The following PARD3B variants were observed in gnomAD, a reference collection of about 807,000 sequenced individuals.
PARD3B encodes the protein partitioning defective 3 homolog B.
A neutral mutation model predicts 130.2 loss-of-function variants in PARD3B; 103 were observed. The observed-to-expected ratio is 0.79, with a 90% CI of 0.67 to 0.93. PARD3B has a LOEUF of 0.93. PARD3B is among the 40% of genes least tolerant of loss of function. The pLI is 0.00. For missense variants in PARD3B, 1,609 were observed against 1,499.2 expected (o/e 1.07, Z -1.21); for synonymous variants, 583 against 553.2 (o/e 1.05, Z -0.76).
At chr2:204,556,380 G>T (rs1259537703) in intron 1 of PARD3B, among the ~76,000 whole-genome samples, 1 of 152,152 alleles carries the variant, frequency 6.6e-6, no homozygotes, top group Non-Finnish European at 1.5e-5. Flanking sequence ...AGCCACTCTC[G>T]GGTTTTGATG....
intron 21 of PARD3B, among the ~76,000 whole-genome samples, chr2:205,529,249 CTT>C (rs979683661): frequency 2.0e-5 from 3 of 152,276 alleles, no homozygotes; most frequent in South Asian, 2.1e-4. Context: ...GAAGATCCCA[CTT>C]TATTTGTAGT....
intron 4 of PARD3B, among the ~76,000 whole-genome samples, chr2:205,099,638 C>T (rs1005743013): frequency 2.0e-5 from 3 of 152,108 alleles, no homozygotes; most frequent in Non-Finnish European, 2.9e-5. Flanking sequence ...ACTGCCTTGT[C>T]GATAAGTATC....
chr2:205,012,119 G>T (rs1490679985), intron 3 of PARD3B, among the ~76,000 whole-genome samples: 1 of 152,144 alleles, frequency 6.6e-6, no homozygotes, highest in Non-Finnish European at 1.5e-5. Flanking sequence ...TCAGGTCTCA[G>T]CTGTCTCTCT....
chr2:204,993,772 A>T (rs1480567624), intron 3 of PARD3B, among the ~76,000 whole-genome samples: 3 of 148,612 alleles, frequency 2.0e-5, no homozygotes, highest in Non-Finnish European at 3.0e-5. Context: ...TTATTGGTCT[A>T]TTCAGAGATT....
chr2:204,643,348 C>T (rs909534936), intron 1 of PARD3B, among the ~76,000 whole-genome samples: 2 of 151,946 alleles, frequency 1.3e-5, no homozygotes, highest in African/African-American at 4.8e-5. Context: ...CTCCCCATTG[C>T]CTTCCAGGGA....
chr2:205,118,076 T>C (rs1302604025), intron 6 of PARD3B, among the ~76,000 whole-genome samples: 2 of 152,316 alleles, frequency 1.3e-5, no homozygotes, highest in East Asian at 3.9e-4. Flanking sequence ...CTCTTCTTGG[T>C]TGAAATTTTG....
chr2:205,121,964 A>T lies in PARD3B; in HGVS notation c.1165+15A>T. 6.4e-7 allele frequency: 1 copy of T among 1,571,674 alleles called. No homozygotes were observed. On this transcript the variant is annotated intron_variant, in intron 8 of 22. Transcript: ENST00000406610. This position sits in a 1 kb window ranked among gnomAD's most constrained non-coding sequence, Gnocchi z 5.0. ...CCTAAAGAAAGGTAATTATTAAATT[A>T]TGCCTAATAGCATTCTATTATTGTA... is the stretch of plus-strand genomic sequence containing the variant.
At chr2:204,766,965 C>CTTTTTTTTTTTTTTTTTTTCTTTTTTT in intron 2 of PARD3B, among the ~76,000 whole-genome samples, 1 of 114,484 alleles carries the variant, frequency 8.7e-6, no homozygotes, top group Non-Finnish European at 1.8e-5. Context: ...TTTTCTTTTT[C>CTTTTTTTTTTTTTTTTTTTCTTTTTTT]TTTTTTTTTT....
At chr2:204,745,190 G>C (rs576318643) in intron 2 of PARD3B, among the ~76,000 whole-genome samples, 76 of 152,224 alleles carry the variant, frequency 5.0e-4, no homozygotes, top group Non-Finnish European at 9.9e-4. Flanking sequence ...GGTGATGCCA[G>C]GGTCTGTGCT....
Position 204,785,917 on chromosome 2 carries a change from G to T in PARD3B, c.222+99635G>T, listed in dbSNP as rs201561951. 6.6e-5 allele frequency among the ~76,000 whole-genome samples: 10 copies of T among 152,086 alleles called. No homozygotes were observed. In the East Asian group the frequency reaches 1.7e-3, roughly 27 times the overall value. On this transcript the variant is annotated intron_variant, in intron 2 of 22. Transcript: ENST00000406610. ...TCATGAGGTCAGGAGTTTGAGGCCA[G>T]CCTGGCCAACATGGTGAAACCCCCA...
At chr2:205,578,601 T>C (rs1198945442) in intron 22 of PARD3B, among the ~76,000 whole-genome samples, 1 of 152,160 alleles carries the variant, frequency 6.6e-6, no homozygotes, top group East Asian at 1.9e-4. Flanking sequence ...GAATGAATGA[T>C]AAAAATAGAA....
chr2:204,754,682 A>T (rs1417007902), intron 2 of PARD3B, among the ~76,000 whole-genome samples: 1 of 152,174 alleles, frequency 6.6e-6, no homozygotes, highest in African/African-American at 2.4e-5. Context: ...CTAAGATAAT[A>T]ATGACTTAGG....
intron 21 of PARD3B, among the ~76,000 whole-genome samples, chr2:205,513,375 T>G (rs904669288): frequency 6.6e-6 from 1 of 152,030 alleles, no homozygotes; most frequent in Non-Finnish European, 1.5e-5. Flanking sequence ...ATCTAATCCC[T>G]AAATACATGA....
intron 2 of PARD3B, among the ~76,000 whole-genome samples, chr2:204,761,701 G>A (rs1242594472): frequency 6.6e-6 from 1 of 151,762 alleles, no homozygotes; most frequent in Non-Finnish European, 1.5e-5. Flanking sequence ...AAAAATCTTT[G>A]CTTAGAAAGC....
intron 22 of PARD3B, among the ~76,000 whole-genome samples, chr2:205,613,125 TCTTC>T (rs1233219002): frequency 6.6e-6 from 1 of 152,248 alleles, no homozygotes; most frequent in African/African-American, 2.4e-5. Flanking sequence ...GGCCTGGAAT[TCTTC>T]CTTTCTCTCT....
At chr2:205,308,580 C>G (rs2042264793) in intron 18 of PARD3B, among the ~76,000 whole-genome samples, 1 of 130,616 alleles carries the variant, frequency 7.7e-6, no homozygotes, top group African/African-American at 2.7e-5. Context: ...GCACTCTAGC[C>G]TGGGTGAGAG....
intron 20 of PARD3B, among the ~76,000 whole-genome samples, chr2:205,443,228 A>G (rs1024881007): frequency 6.6e-6 from 1 of 152,210 alleles, no homozygotes. Context: ...AAGAGTTGCT[A>G]TGGCAGTTTC....
rs551396795 is a variant in PARD3B, at chr2:204,980,130, G to A, written c.394+14807G>A. On this transcript the variant is annotated intron_variant, in intron 3 of 22. Transcript: ENST00000406610. ...AAATAACTCCTAAAAGTCATAAGAG[G>A]AAAGCATCCTGCTCAATAGAAAAAT... Among the ~76,000 whole-genome samples, 5 of 152,270 alleles carry A rather than the reference G, an allele frequency of 3.3e-5. No homozygotes were observed. In the South Asian group the frequency reaches 1.0e-3, roughly 32 times the overall value.
In PARD3B at chr2:205,459,948, G is replaced by A. The variant is rs185551127; in HGVS notation, c.3044+19276G>A. 2.5e-3 allele frequency among the ~76,000 whole-genome samples: 385 copies of A among 152,286 alleles called. 2 individuals are homozygous for A. Among genetic ancestry groups the A allele is most frequent in the African/African-American group, 9.0e-3 (373 of 41,568 alleles). On this transcript the variant is annotated intron_variant, in intron 20 of 22. Coordinates refer to ENST00000406610, the MANE Select transcript of PARD3B (RefSeq NM_001302769.2). ...TCTTTCTCCTGGCAGTGAGGCCAGT[G>A]TTGGTGAAAGATGGCATGGATCTTA...
Sources: gnomAD v4.1 joint callset for allele counts (sites outside exome capture counted in the v4.1 genomes callset) on GRCh38, gnomAD v4.1.1 for gene constraint, Gnocchi (gnomAD v3.1) non-coding constraint, MANE v1.5 for transcripts, NCBI Gene and HGNC (gene_info 2026-07-23, HGNC 2026-07-21) for gene names.